PREX2: variants seen among roughly 807,000 people sequenced by gnomAD.
The protein encoded by PREX2 is phosphatidylinositol-3,4,5-trisphosphate dependent Rac exchange factor 2.
Under a neutral mutation model 203.2 loss-of-function variants are expected in PREX2, and 107 were observed. The observed-to-expected ratio is 0.53, with a 90% CI of 0.45 to 0.62. The LOEUF (loss-of-function observed/expected upper bound fraction) is 0.62. Ranked by LOEUF, PREX2 falls within the 20% of genes least tolerant of loss-of-function variation. The pLI is 0.00. For synonymous variants in PREX2, 672 were observed against 663.6 expected (o/e 1.01, Z -0.19); for missense variants, 1,777 against 1,955.9 (o/e 0.91, Z 1.72).
intron 11 of PREX2, among the ~76,000 whole-genome samples, chr8:68,062,455 C>T (rs1808886598): frequency 6.6e-6 from 1 of 152,218 alleles, no homozygotes; most frequent in East Asian, 1.9e-4. Flanking sequence ...CCCCTGACTT[C>T]CTCTCAGAGC....
At chr8:68,047,216 A>G (rs1213571861) in intron 8 of PREX2, among the ~76,000 whole-genome samples, 1 of 151,930 alleles carries the variant, frequency 6.6e-6, no homozygotes, top group Non-Finnish European at 1.5e-5. Context: ...GGTCATTTCC[A>G]GCACAGCATC....
chr8:68,203,278 G>C (rs1563586119), intron 37 of PREX2, among the ~76,000 whole-genome samples: 1 of 152,126 alleles, frequency 6.6e-6, no homozygotes, highest in African/African-American at 2.4e-5. Flanking sequence ...CGATGATTCT[G>C]ACTCACCAGC....
At chr8:68,118,296 A>AGTGAGCC (rs1810698049) in intron 26 of PREX2, among the ~76,000 whole-genome samples, 1 of 151,440 alleles carries the variant, frequency 6.6e-6, no homozygotes, top group Admixed American at 6.6e-5. Context: ...CGGAGCTTGC[A>AGTGAGCC]GTGAGCCGAG....
intron 1 of PREX2, among the ~76,000 whole-genome samples, chr8:67,995,567 CGTGA>C (rs1806742284): frequency 6.6e-6 from 1 of 152,026 alleles, no homozygotes. Context: ...ATATTGTCAA[CGTGA>C]GTGAAAAACT....
rs182213319 is a variant in PREX2, at chr8:68,131,889, G to T, written c.3767-2170G>T. Among the ~76,000 whole-genome samples, 795 of 152,214 alleles carry T rather than the reference G, an allele frequency of 5.2e-3. 3 individuals carry two copies. Among genetic ancestry groups the T allele is most frequent in the Non-Finnish European group, 8.2e-3 (555 of 67,988 alleles). On this transcript the variant is annotated intron_variant, in intron 31 of 39. Transcript: ENST00000288368. The stretch of plus-strand genomic sequence containing the variant: ...TTTTATTAAATCATTTTCAAGGTAT[G>T]GGTGGGAGTATTTCTGCCAAATCTA...
intron 1 of PREX2, among the ~76,000 whole-genome samples, chr8:67,968,722 G>T (rs996966794): frequency 6.6e-6 from 1 of 152,092 alleles, no homozygotes; most frequent in Non-Finnish European, 1.5e-5. Flanking sequence ...TGACCTGTCT[G>T]CCTGATTGTT....
Position 68,069,063 on chromosome 8 carries a change from A to C in PREX2, c.1370A>C (p.Gln457Pro). 6.5e-7 allele frequency: 1 copy of C among 1,540,592 alleles called. No homozygotes were observed. Among genetic ancestry groups the C allele is most frequent in the South Asian group, 1.2e-5 (1 of 81,844 alleles). The change falls in exon 12 of 40, where the codon CAG (glutamine) becomes CCG (proline). Residue 457 changes from glutamine to proline, a missense_variant. Coordinates refer to ENST00000288368, the MANE Select transcript of PREX2 (RefSeq NM_024870.4). ...VTDKHQFKPE[Q>P]MLYRFRYDDG... ...GATAAACATCAATTCAAACCAGAAC[A>C]GATGTTATATAGATTTCGCTATGAT... is the stretch of plus-strand genomic sequence containing the variant.
At chr8:68,036,485 G>A (rs1320893762) in intron 6 of PREX2, among the ~76,000 whole-genome samples, 1 of 152,096 alleles carries the variant, frequency 6.6e-6, no homozygotes. Flanking sequence ...GCTTATATGG[G>A]TCATGATAAG....
intron 32 of PREX2, among the ~76,000 whole-genome samples, chr8:68,136,043 A>G (rs1031534888): frequency 7.9e-5 from 12 of 152,314 alleles, no homozygotes; most frequent in South Asian, 2.1e-4. Context: ...AGAGGCAGAA[A>G]GTAGACTAGT....
At chr8:67,996,993 G>A (rs1003526494) in intron 1 of PREX2, among the ~76,000 whole-genome samples, 14 of 152,122 alleles carry the variant, frequency 9.2e-5, no homozygotes, top group African/African-American at 2.4e-4. Flanking sequence ...TGCAGTCAAC[G>A]TGAGTGAAAA....
Position 67,952,414 on chromosome 8 carries a change from G to T in PREX2, c.20G>T (p.Gly7Val). The T allele has an allele frequency of 1.3e-6, 2 of 1,567,496 alleles. No homozygotes were observed. Among genetic ancestry groups the T allele is most frequent in the Non-Finnish European group, 8.6e-7 (1 of 1,157,706 alleles). Residue 7 changes from glycine to valine, a missense_variant, in exon 1 of 40, where the codon GGA (glycine) becomes GTA (valine). By Grantham distance (109) the Gly-to-Val change is moderately radical. Coordinates refer to ENST00000288368, the MANE Select transcript of PREX2 (RefSeq NM_024870.4). MSEDSRGDSRAESAKDL... is the reference protein window; with the variant it reads MSEDSRVDSRAESAKDL... ...CCGACCATGAGCGAGGACAGCCGCG[G>T]AGACAGCCGCGCCGAGAGCGCCAAG...
At chr8:67,954,799 T>A (rs1218387285) in intron 1 of PREX2, among the ~76,000 whole-genome samples, 1 of 152,170 alleles carries the variant, frequency 6.6e-6, no homozygotes, top group Non-Finnish European at 1.5e-5. Flanking sequence ...GAAAACATAT[T>A]TTTAGTTCTA....
intron 19 of PREX2, among the ~76,000 whole-genome samples, chr8:68,088,482 A>G (rs1034503436): frequency 2.0e-5 from 3 of 152,234 alleles, no homozygotes; most frequent in South Asian, 4.1e-4. Context: ...TTATCTAACA[A>G]GAGACATACA....
At chr8:67,958,382 G>A (rs1341740573) in intron 1 of PREX2, among the ~76,000 whole-genome samples, 1 of 152,186 alleles carries the variant, frequency 6.6e-6, no homozygotes, top group Admixed American at 6.5e-5. Flanking sequence ...CCAAAGTGCT[G>A]CATGTGTTAT....
At position 68,178,330 on chromosome 8, in the gene PREX2, A is replaced by G. The variant is rs186658336; in HGVS notation, c.4347-13392A>G. Among the ~76,000 whole-genome samples, 4 of 152,122 alleles carry G rather than the reference A, an allele frequency of 2.6e-5. No individual in the cohort carries two copies. In the East Asian group the frequency reaches 7.7e-4, roughly 29 times the overall value. ...TAATTGCCATTTTGACTGGTATGAG[A>G]TGGTATCTCATTGTGGTTTTGATTT... On this transcript the variant is annotated intron_variant, in intron 35 of 39. Transcript: ENST00000288368.
In PREX2 at chr8:68,017,851, C is replaced by G; in HGVS notation, c.147C>G (p.Phe49Leu). Residue 49 changes from phenylalanine to leucine, a missense_variant, in exon 2 of 40, where the codon TTC becomes TTG. By Grantham distance (22) the Phe-to-Leu change is conservative. Transcript: ENST00000288368. ...TGTCTTCTTGTTTCATGCAGGCATT[C>G]TTACACAGAATGAACCAGTGTGCAG... ...VGTLEFLVSA[F>L]LHRMNQCAAS... The G allele has an allele frequency of 1.9e-6, 3 of 1,611,942 alleles. No homozygotes were observed. Among genetic ancestry groups the G allele is most frequent in the Non-Finnish European group, 2.5e-6 (3 of 1,178,604 alleles).
intron 26 of PREX2, among the ~76,000 whole-genome samples, chr8:68,116,308 T>A (rs144301452): frequency 6.6e-6 from 1 of 152,202 alleles, no homozygotes; most frequent in African/African-American, 2.4e-5. Context: ...GGAGTTCTTT[T>A]GGCTCTTTTT....
chr8:68,041,245 G>A (rs1395032670), intron 7 of PREX2, among the ~76,000 whole-genome samples: 2 of 152,148 alleles, frequency 1.3e-5, no homozygotes, highest in African/African-American at 2.4e-5. Context: ...CTGGTAGAGT[G>A]AGAATTAGAG....
At chr8:67,985,704 A>C (rs544662856) in intron 1 of PREX2, among the ~76,000 whole-genome samples, 1 of 152,324 alleles carries the variant, frequency 6.6e-6, no homozygotes, top group South Asian at 2.1e-4. Context: ...GTAGGCTGTA[A>C]GGGAACTAAG....
Sources: gnomAD v4.1 joint callset for allele counts (sites outside exome capture counted in the v4.1 genomes callset) on GRCh38, gnomAD v4.1.1 for gene constraint, MANE v1.5 for transcripts, NCBI Gene and HGNC (gene_info 2026-07-23, HGNC 2026-07-21) for gene names.